The following DDX6 variants were observed in gnomAD, a reference collection of about 807,000 sequenced individuals.
DDX6 encodes probable ATP-dependent RNA helicase DDX6.
A neutral mutation model predicts 60.6 loss-of-function variants in DDX6; 7 were observed. That is an observed-to-expected ratio of 0.12 (90% confidence interval 0.07 to 0.22). The LOEUF (loss-of-function observed/expected upper bound fraction) is 0.22. DDX6 is among the 10% of genes least tolerant of loss of function. The pLI is 1.00. For synonymous variants in DDX6, 207 were observed against 201.0 expected, an observed-to-expected ratio of 1.03 and a Z score of -0.25; for missense variants, 270 against 589.9, an observed-to-expected ratio of 0.46 and a Z score of 5.62.
At chr11:118,779,759 T>G (rs782339290) in intron 3 of DDX6, 23 bp from the exon 4 acceptor site, 1 of 1,509,364 alleles carries the variant, frequency 6.6e-7, no homozygotes, top group Non-Finnish European at 9.1e-7. Context: ...AAAGGAACAA[T>G]AAAAGAATAA....
chr11:118,772,204 T>C (rs1287827785), intron 4 of DDX6, among the ~76,000 whole-genome samples: 2 of 152,132 alleles, frequency 1.3e-5, no homozygotes, highest in Non-Finnish European at 2.9e-5. Flanking sequence ...CTTCTCAGAT[T>C]TTCACAAAAT....
chr11:118,789,054 T>C (rs1352316568), intron 1 of DDX6: 1 of 150,798 alleles, frequency 6.6e-6, no homozygotes, highest in Non-Finnish European at 1.5e-5. Flanking sequence ...TGTTGGCTTT[T>C]GATTTAACCC....
rs1555156668 is a variant in DDX6, at chr11:118,749,429, CCTATT to C, written c.*2671_*2675del. On this transcript the variant is annotated 3_prime_UTR_variant, in exon 14 of 14. Transcript: ENST00000534980. ...CAGAGCATCTTTCCATTTAACAATT[CCTATT>C]CAAGAGTCAAGCACCAAAACTGGAC... 1 of 145,216 alleles carries C rather than the reference CCTATT, an allele frequency of 6.9e-6. No homozygotes were observed. Among genetic ancestry groups the C allele is most frequent in the South Asian group, 2.2e-4 (1 of 4,516 alleles). The allele number at this position is 145,216 out of a possible 1,614,324, so 9.0% of individuals were successfully genotyped here.
At chr11:118,775,238 C>T (rs1256794516) in intron 4 of DDX6, among the ~76,000 whole-genome samples, 1 of 152,154 alleles carries the variant, frequency 6.6e-6, no homozygotes, top group Non-Finnish European at 1.5e-5. Flanking sequence ...ATCGCTTGAA[C>T]CCGGGAGGCA....
chr11:118,782,243 G>C (rs575926911), intron 2 of DDX6, among the ~76,000 whole-genome samples: 15 of 152,280 alleles, frequency 9.9e-5, no homozygotes, highest in East Asian at 9.6e-4. Flanking sequence ...ACTCAGCACA[G>C]TGCCTGGCAA....
chr11:118,757,657 C>CT (rs1861023826), intron 9 of DDX6, among the ~76,000 whole-genome samples: 2 of 151,954 alleles, frequency 1.3e-5, no homozygotes, highest in Admixed American at 1.3e-4. Context: ...ATGGTGCAAT[C>CT]TCAGCTCACT....
rs1201996278 is a variant in DDX6 at position 118,748,942 on chromosome 11, C to A, written c.*3163G>T. 6.6e-6 allele frequency: 1 copy of A among 152,146 alleles called. No homozygotes were observed. The highest frequency in any genetic ancestry group is 1.5e-5 in the Non-Finnish European group (1 of 68,020). The allele number at this position is 152,146 out of a possible 1,614,324, so 9.4% of individuals were successfully genotyped here. On this transcript the variant is annotated 3_prime_UTR_variant, in exon 14 of 14. Coordinates refer to ENST00000534980, the MANE Select transcript of DDX6 (RefSeq NM_004397.6). The stretch of plus-strand genomic sequence containing the variant: ...CTGATAACCAAGCCCACCCTCCAAC[C>A]CTTTGGGGCCAACCCATTTTATGCT...
Position 118,749,049 on chromosome 11 carries a change from ATG to A in DDX6, c.*3054_*3055del, listed in dbSNP as rs1327831830. ...TCTGTGAAAGATCATTTTAGAATAA[ATG>A]TATTCCATTCCTATGGGAGAGGCAA... On this transcript the variant is annotated 3_prime_UTR_variant, in exon 14 of 14. Transcript: ENST00000534980. 2.0e-5 allele frequency: 3 copies of A among 152,162 alleles called. No homozygotes were observed. The highest frequency in any genetic ancestry group is 4.4e-5 in the Non-Finnish European group (3 of 68,042). The allele number at this position is 152,162 out of a possible 1,614,324, so 9.4% of individuals were successfully genotyped here. A position where few individuals can be genotyped will look rare whatever the true frequency, so the allele number is the denominator to read the frequency against.
rs782531268 is a variant in DDX6, at chr11:118,755,528, A to AT, written c.1175-26dup. ...TCTTAAAAAAAAAAAGATAATTTTCATTTTTTCAATTTAGAAATGTCTCTC... is the reference window on the plus strand; with the variant it reads ...TCTTAAAAAAAAAAAGATAATTTTCATTTTTTTCAATTTAGAAATGTCTCTC... On this transcript the variant is annotated intron_variant, in intron 11 of 13. Coordinates refer to ENST00000534980, the MANE Select transcript of DDX6 (RefSeq NM_004397.6). 1.7e-5 allele frequency: 23 copies of AT among 1,320,262 alleles called. No homozygotes were observed. The South Asian group carries it at 2.3e-4, about 13-fold the overall frequency. The allele number at this position is 1,320,262 out of a possible 1,614,324, so 81.8% of individuals were successfully genotyped here.
chr11:118,765,549 C>A (rs1441984907), intron 5 of DDX6, among the ~76,000 whole-genome samples, 194 bp from the exon 6 acceptor site: 3 of 151,048 alleles, frequency 2.0e-5, no homozygotes, highest in Non-Finnish European at 4.4e-5. Context: ...CCAAGGTGGG[C>A]AGATCACCTG....
intron 4 of DDX6, among the ~76,000 whole-genome samples, chr11:118,774,506 T>C (rs971527503): frequency 3.3e-5 from 5 of 149,532 alleles, no homozygotes; most frequent in East Asian, 2.0e-4. Flanking sequence ...TCTTGCTCTG[T>C]TGCCCAGGAT....
intron 7 of DDX6, among the ~76,000 whole-genome samples, chr11:118,760,550 C>T (rs781934862): frequency 2.6e-5 from 4 of 152,100 alleles, no homozygotes; most frequent in Non-Finnish European, 5.9e-5. Context: ...TGGCCGGGCG[C>T]GGTGGCTCAC....
chr11:118,769,166 G>A (rs1276044804), intron 4 of DDX6, among the ~76,000 whole-genome samples: 3 of 151,858 alleles, frequency 2.0e-5, no homozygotes, highest in Non-Finnish European at 2.9e-5. Flanking sequence ...CAATTCCAAG[G>A]TAAGACTATA....
intron 8 of DDX6, 38 bp downstream of exon 8, chr11:118,759,884 C>T: frequency 6.3e-7 from 1 of 1,583,122 alleles, no homozygotes; most frequent in Non-Finnish European, 8.6e-7. Context: ...TCAAAGGTCA[C>T]AGGATGGCAC....
Position 118,748,046 on chromosome 11 carries a change from A to AT in DDX6, c.*4058dup. On this transcript the variant is annotated 3_prime_UTR_variant, in exon 14 of 14. Coordinates refer to ENST00000534980, the MANE Select transcript of DDX6 (RefSeq NM_004397.6). ...GCTAGGGACATTGGAATTCTCTACC[A>AT]TTTTTACTGAACAAAAAATAATTTT... 6.6e-6 allele frequency: 1 copy of AT among 152,012 alleles called. No individual in the cohort carries two copies. Among genetic ancestry groups the AT allele is most frequent in the Non-Finnish European group, 1.5e-5 (1 of 67,964 alleles). The allele number at this position is 152,012 out of a possible 1,614,324, so 9.4% of individuals were successfully genotyped here.
At chr11:118,785,347 A>G (rs1361332471) in intron 2 of DDX6, among the ~76,000 whole-genome samples, 1 of 151,916 alleles carries the variant, frequency 6.6e-6, no homozygotes, top group Admixed American at 6.6e-5. Flanking sequence ...CCCTTTTTAT[A>G]TGTAAAAGGA....
chr11:118,786,235 G>A lies in DDX6; in HGVS notation c.17C>T (p.Thr6Ile). ...CAGACCCATTATAACAGGGTTCTCT[G>A]TTCTGGCCGTGCTCATGCTGTTTTA... is the stretch of plus-strand genomic sequence containing the variant. MSTAR[T>I]ENPVIMGLSS... Residue 6 changes from threonine (T) to isoleucine (I), a missense_variant, in exon 2 of 14, where the codon ACA (threonine) becomes ATA (isoleucine). Thr to Ile is a moderately conservative substitution (Grantham distance 89). Coordinates refer to ENST00000534980, the MANE Select transcript of DDX6 (RefSeq NM_004397.6). 1 of 1,608,718 alleles carries A rather than the reference G, an allele frequency of 6.2e-7. No homozygotes were observed. Among genetic ancestry groups the A allele is most frequent in the Non-Finnish European group, 8.5e-7 (1 of 1,177,504 alleles).
chr11:118,770,981 A>G (rs545198971), intron 4 of DDX6, among the ~76,000 whole-genome samples: 121 of 152,312 alleles, frequency 7.9e-4, no homozygotes, highest in African/African-American at 2.7e-3. Flanking sequence ...AAAGCAAACA[A>G]AGAAGAAAAC....
chr11:118,758,638 G>A, intron 9 of DDX6, 136 bp downstream of exon 9: 2 of 993,296 alleles, frequency 2.0e-6, no homozygotes, highest in Non-Finnish European at 2.9e-6. Flanking sequence ...CCAAAGTGCT[G>A]GGAGGCATGA....
Sources: allele counts gnomAD v4.1 joint callset (sites outside exome capture counted in the v4.1 genomes callset), GRCh38; gene constraint gnomAD v4.1.1; transcripts MANE v1.5; gene names NCBI Gene and HGNC (gene_info 2026-07-23, HGNC 2026-07-21).